WDR7: variants seen among roughly 807,000 people sequenced by gnomAD.
WDR7 encodes the protein WD repeat-containing protein 7.
A neutral mutation model predicts 169.4 loss-of-function variants in WDR7; 46 were observed. The observed-to-expected ratio is 0.27, with a 90% CI of 0.21 to 0.35. WDR7 has a LOEUF of 0.35. Ranked by LOEUF, WDR7 falls within the 10% of genes least tolerant of loss-of-function variation. The pLI, the probability that WDR7 is intolerant of heterozygous loss-of-function variation, is 1.00. For synonymous variants in WDR7, 612 were observed against 666.8 expected (o/e 0.92, Z 1.27); for missense variants, 1,534 against 1,859.3 (o/e 0.83, Z 3.22).
At chr18:56,843,555 C>G (rs538367122) in intron 20 of WDR7, among the ~76,000 whole-genome samples, 4 of 152,266 alleles carry the variant, frequency 2.6e-5, no homozygotes, top group South Asian at 2.1e-4. Context: ...TTGTGTTGAT[C>G]CATTCAACAG....
chr18:56,990,302 G>T (rs568538819), intron 26 of WDR7, among the ~76,000 whole-genome samples: 134 of 152,306 alleles, frequency 8.8e-4, no homozygotes, highest in African/African-American at 3.0e-3. Context: ...TGCCTAGCAG[G>T]AAAGGAACTT....
intron 10 of WDR7, 58 bp downstream of exon 10, chr18:56,694,818 T>C: frequency 6.5e-7 from 1 of 1,548,354 alleles, no homozygotes. Flanking sequence ...AAATACCAAC[T>C]ACTGAATAAC....
At chr18:56,840,680 G>T (rs1363421179) in intron 20 of WDR7, among the ~76,000 whole-genome samples, 1 of 151,514 alleles carries the variant, frequency 6.6e-6, no homozygotes, top group Non-Finnish European at 1.5e-5. Flanking sequence ...AGATTAGCTG[G>T]TAGTGGCGTG....
intron 19 of WDR7, among the ~76,000 whole-genome samples, chr18:56,809,102 T>G (rs552571888): frequency 6.6e-6 from 1 of 152,252 alleles, no homozygotes; most frequent in Non-Finnish European, 1.5e-5. Flanking sequence ...TTCCTCCTGA[T>G]GCATGATATA....
intron 22 of WDR7, among the ~76,000 whole-genome samples, chr18:56,932,015 A>C (rs1048652388): frequency 1.3e-5 from 2 of 152,194 alleles, no homozygotes; most frequent in East Asian, 3.9e-4. Flanking sequence ...AAGTAGGGCA[A>C]CCAGGAAATA....
intron 2 of WDR7, among the ~76,000 whole-genome samples, chr18:56,677,868 C>T (rs1346714700): frequency 3.3e-5 from 5 of 152,074 alleles, no homozygotes; most frequent in African/African-American, 1.2e-4. Flanking sequence ...CCTTCTCTGC[C>T]TCCTCTTTAT....
At chr18:56,852,163 G>C (rs529086701) in intron 20 of WDR7, among the ~76,000 whole-genome samples, 1 of 152,096 alleles carries the variant, frequency 6.6e-6, no homozygotes, top group Non-Finnish European at 1.5e-5. Flanking sequence ...ATAGAAAAAC[G>C]TGTTTTAAGG....
At chr18:56,944,907 A>G (rs1264496192) in intron 25 of WDR7, among the ~76,000 whole-genome samples, 1 of 152,234 alleles carries the variant, frequency 6.6e-6, no homozygotes, top group African/African-American at 2.4e-5. Context: ...TTGGAGAATT[A>G]GATAGTGATA....
intron 20 of WDR7, among the ~76,000 whole-genome samples, chr18:56,828,886 A>G (rs1457277814): frequency 1.3e-5 from 2 of 152,148 alleles, no homozygotes; most frequent in Non-Finnish European, 1.5e-5. Flanking sequence ...AAGTAAACCA[A>G]GAAAGAGGAA....
chr18:56,944,332 G>A (rs994290113), intron 25 of WDR7, among the ~76,000 whole-genome samples: 3 of 151,852 alleles, frequency 2.0e-5, no homozygotes, highest in African/African-American at 4.8e-5. Context: ...TTCATTTTTA[G>A]GTTCAGGATT....
chr18:56,783,162 TAA>T (rs5825204), intron 19 of WDR7, among the ~76,000 whole-genome samples: 12 of 148,610 alleles, frequency 8.1e-5, no homozygotes, highest in African/African-American at 2.2e-4. Context: ...CAAATTAAGT[TAA>T]AAAAAAAAAC....
At chr18:56,883,127 G>T (rs1408067261) in intron 21 of WDR7, among the ~76,000 whole-genome samples, 1 of 151,214 alleles carries the variant, frequency 6.6e-6, no homozygotes, top group East Asian at 1.9e-4. Flanking sequence ...GGAGAATGGC[G>T]TGAACCTGGG....
intron 20 of WDR7, among the ~76,000 whole-genome samples, chr18:56,846,528 C>T (rs2045570969): frequency 6.6e-6 from 1 of 152,114 alleles, no homozygotes; most frequent in African/African-American, 2.4e-5. Flanking sequence ...TGAGGCCTCC[C>T]CAGCCATGTG....
rs1470623812 is a variant in WDR7, at chr18:56,935,780, C to T, written c.3714-8C>T. On this transcript the variant is annotated splice_region_variant and splice_polypyrimidine_tract_variant and intron_variant, in intron 22 of 27. Coordinates refer to ENST00000254442, the MANE Select transcript of WDR7 (RefSeq NM_015285.3). ...TTCTTTTTTTCCCTTTTTCTGATCC[C>T]TGTTTAGCATCACAATGGGGTTGCC... The T allele has an allele frequency of 1.9e-5, 30 of 1,612,870 alleles. No homozygotes were observed. Among genetic ancestry groups the T allele is most frequent in the Non-Finnish European group, 2.3e-5 (27 of 1,179,046 alleles).
intron 20 of WDR7, among the ~76,000 whole-genome samples, chr18:56,841,790 T>C (rs1006220164): frequency 6.6e-6 from 1 of 152,072 alleles, no homozygotes; most frequent in Admixed American, 6.6e-5. Flanking sequence ...GAGTGTAATG[T>C]CATGGTTAAC....
chr18:57,022,381 G>C (rs1188766477), intron 27 of WDR7, among the ~76,000 whole-genome samples: 1 of 152,196 alleles, frequency 6.6e-6, no homozygotes, highest in Non-Finnish European at 1.5e-5. Context: ...TTGGATGTCT[G>C]AGTGGTAGGT....
At chr18:56,691,152 T>C in intron 7 of WDR7, 64 bp from the exon 8 acceptor site, 1 of 1,537,570 alleles carries the variant, frequency 6.5e-7, no homozygotes, top group South Asian at 1.3e-5. Context: ...AAACTTGAAA[T>C]GTCACTGGAT....
At chr18:56,803,713 G>T (rs568972701) in intron 19 of WDR7, among the ~76,000 whole-genome samples, 1 of 152,300 alleles carries the variant, frequency 6.6e-6, no homozygotes, top group South Asian at 2.1e-4. Context: ...TAACTTTAAT[G>T]ATACTATAAT....
At chr18:57,032,800 T>TG, downstream of WDR7, 1 of 96,256 alleles carries the variant, frequency 1.0e-5, no homozygotes, top group Non-Finnish European at 2.0e-5. Flanking sequence ...GTATAATTAT[T>TG]TTATATATAT....
Sources: gnomAD v4.1 joint callset for allele counts (sites outside exome capture counted in the v4.1 genomes callset) on GRCh38, gnomAD v4.1.1 for gene constraint, MANE v1.5 for transcripts, NCBI Gene and HGNC (gene_info 2026-07-23, HGNC 2026-07-21) for gene names.